The following RAD54L2 variants were observed in gnomAD, a reference collection of about 807,000 sequenced individuals.
RAD54L2 encodes the protein helicase ARIP4.
In RAD54L2, 27 loss-of-function variants were observed where a neutral mutation model predicts 138.4. The observed-to-expected ratio is 0.20, with a 90% confidence interval of 0.14 to 0.27. The LOEUF (loss-of-function observed/expected upper bound fraction) is 0.27. Ranked by LOEUF, RAD54L2 falls within the 10% of genes least tolerant of loss-of-function variation. The pLI, the probability that RAD54L2 is intolerant of heterozygous loss-of-function variation, is 1.00. For synonymous variants in RAD54L2, 644 were observed against 723.2 expected (o/e 0.89, Z 1.76); for missense variants, 1,396 against 1,890.2 (o/e 0.74, Z 4.85).
intron 2 of RAD54L2, among the ~76,000 whole-genome samples, chr3:51,564,445 T>C (rs939271842): frequency 2.0e-5 from 3 of 152,246 alleles, no homozygotes; most frequent in Admixed American, 2.0e-4. Context: ...AGGTTTGTTA[T>C]CTACATGTAA....
At chr3:51,624,106 T>C (rs1415404580) in intron 3 of RAD54L2, among the ~76,000 whole-genome samples, 1 of 151,854 alleles carries the variant, frequency 6.6e-6, no homozygotes, top group Non-Finnish European at 1.5e-5. Context: ...AATCCATACC[T>C]CATACCTGGA....
At position 51,635,612 on chromosome 3, in the gene RAD54L2, A is replaced by G; in HGVS notation, c.1162A>G (p.Lys388Glu). Residue 388 changes from lysine (K) to glutamate (E), a missense_variant, in exon 10 of 23, where the codon AAA becomes GAA. Lys to Glu is a moderately conservative substitution (Grantham distance 56). Around this residue, in one of 7 missense-constraint regions of RAD54L2, gnomAD observed 169 missense variants for 235.6 expected, o/e 0.72. Coordinates refer to ENST00000684192, the MANE Select transcript of RAD54L2 (RefSeq NM_015106.4). Reference sequence around the variant, plus strand: ...TTGCAGGACGATGGCATCTCGTGCTAAAGTGATGGCTGATTGGGTGTCAGA... The same window carrying G: ...TTGCAGGACGATGGCATCTCGTGCTGAAGTGATGGCTGATTGGGTGTCAGA... ...DEHKTMASRAKVMADWVSEGG... is the reference protein window; with the variant it reads ...DEHKTMASRAEVMADWVSEGG... 4 of 1,611,048 alleles carry G rather than the reference A, an allele frequency of 2.5e-6. No homozygotes were observed. Among genetic ancestry groups the G allele is most frequent in the Non-Finnish European group, 3.4e-6 (4 of 1,178,900 alleles).
chr3:51,651,045 TAAGA>T (rs1279399064), intron 19 of RAD54L2, among the ~76,000 whole-genome samples: 2 of 151,746 alleles, frequency 1.3e-5, no homozygotes, highest in African/African-American at 4.8e-5. Flanking sequence ...CTAGCAAGAC[TAAGA>T]AAGAAGAAAA....
chr3:51,580,648 G>C (rs550843176), intron 2 of RAD54L2, among the ~76,000 whole-genome samples: 2 of 152,132 alleles, frequency 1.3e-5, no homozygotes, highest in Non-Finnish European at 2.9e-5. Context: ...CTCCCATCAC[G>C]TAGGAAATTC....
intron 2 of RAD54L2, among the ~76,000 whole-genome samples, chr3:51,554,479 A>G (rs905825584): frequency 3.3e-5 from 5 of 152,210 alleles, no homozygotes; most frequent in Middle Eastern, 3.4e-3. Flanking sequence ...AGCCGAGATG[A>G]TATTATTGCA....
chr3:51,563,641 T>C (rs930793138), intron 2 of RAD54L2, among the ~76,000 whole-genome samples: 1 of 152,226 alleles, frequency 6.6e-6, no homozygotes, highest in African/African-American at 2.4e-5. Flanking sequence ...AGTTAGAAAG[T>C]AATAATACCG....
intron 10 of RAD54L2, among the ~76,000 whole-genome samples, chr3:51,636,156 A>G (rs1700979414): frequency 6.6e-6 from 1 of 152,204 alleles, no homozygotes; most frequent in South Asian, 2.1e-4. Flanking sequence ...TAATATAAAG[A>G]CAAAGTAGTA....
Position 51,663,210 on chromosome 3 carries a change from G to A in RAD54L2, c.4194G>A (p.Ala1398=), listed in dbSNP as rs1259930546. Residue 1398 remains alanine (A), a synonymous_variant, in exon 23 of 23, where the codon GCG becomes GCA. Transcript: ENST00000684192. The stretch of plus-strand genomic sequence containing the variant: ...TCCTGTCCGAGCCGAGGATGTTTGC[G>A]CCTTTTCCTTCCCCTGTCTTGCCCA... ...QPLLSEPRMF[A]PFPSPVLPSN... is the part of the protein sequence containing the mutation. 1.9e-6 allele frequency: 3 copies of A among 1,613,948 alleles called. No individual in the cohort carries two copies. Among genetic ancestry groups the A allele is most frequent in the Admixed American group, 1.7e-5 (1 of 60,022 alleles).
In RAD54L2 at chr3:51,638,632, A is replaced by G. The variant is rs760984742; in HGVS notation, c.1860+311A>G. On this transcript the variant is annotated intron_variant, in intron 12 of 22. Coordinates refer to ENST00000684192, the MANE Select transcript of RAD54L2 (RefSeq NM_015106.4). The surrounding 1 kb of genome is among the most constrained non-coding windows in gnomAD (Gnocchi z 4.3). ...TGGGGCAGCGTTTTTGACTGCTAGC[A>G]TAATCAGAATTCAAGAGATATATAG... 9 of 275,964 alleles carry G rather than the reference A, an allele frequency of 3.3e-5. No individual in the cohort carries two copies. Among genetic ancestry groups the G allele is most frequent in the South Asian group, 2.0e-4 (2 of 9,978 alleles). 17.1% of individuals were successfully genotyped at this position (275,964 alleles called of 1,614,324 possible).
In RAD54L2 at chr3:51,637,033, G is replaced by A. The variant is rs897965990; in HGVS notation, c.1340-128G>A. ...ATGGCTGGCACCCTCTCACCAAGGGGGGCTGACTCTTGCTTTCCTGCTTCC... is the reference window on the plus strand; with the variant it reads ...ATGGCTGGCACCCTCTCACCAAGGGAGGCTGACTCTTGCTTTCCTGCTTCC... On this transcript the variant is annotated intron_variant, in intron 10 of 22. Coordinates refer to ENST00000684192, the MANE Select transcript of RAD54L2 (RefSeq NM_015106.4). The surrounding 1 kb of genome is among the most constrained non-coding windows in gnomAD (Gnocchi z 5.9). 1.2e-6 allele frequency: 1 copy of A among 803,814 alleles called. No individual in the cohort carries two copies. Among genetic ancestry groups the A allele is most frequent in the African/African-American group, 1.7e-5 (1 of 58,976 alleles). The allele number at this position is 803,814 out of a possible 1,614,324, so 49.8% of individuals were successfully genotyped here. A position where few individuals can be genotyped will look rare whatever the true frequency, so the allele number is the denominator to read the frequency against.
At chr3:51,550,536 G>A (rs1698809010) in intron 2 of RAD54L2, among the ~76,000 whole-genome samples, 1 of 152,086 alleles carries the variant, frequency 6.6e-6, no homozygotes, top group African/African-American at 2.4e-5. Flanking sequence ...GCCAAGGTAG[G>A]TGGATTGCTT....
chr3:51,576,646 T>G (rs535457120), intron 2 of RAD54L2, among the ~76,000 whole-genome samples: 1 of 152,208 alleles, frequency 6.6e-6, no homozygotes, highest in African/African-American at 2.4e-5. Context: ...GAGGTGTTTA[T>G]AGTATTCTCT....
In RAD54L2 at chr3:51,663,636, T is replaced by C. The variant is rs1191310424; in HGVS notation, c.*216T>C. On this transcript the variant is annotated 3_prime_UTR_variant, in exon 23 of 23. Coordinates refer to ENST00000684192, the MANE Select transcript of RAD54L2 (RefSeq NM_015106.4). ...AAAAAAAAGTCCAACACAGCAGCAA[T>C]AGCGGGAAATCAGGGACCCAAAACA... 2 of 471,776 alleles carry C rather than the reference T, an allele frequency of 4.2e-6. No individual in the cohort carries two copies. Among genetic ancestry groups the C allele is most frequent in the Non-Finnish European group, 7.0e-6 (2 of 286,318 alleles). The allele number at this position is 471,776 out of a possible 1,614,324, so 29.2% of individuals were successfully genotyped here. A position where few individuals can be genotyped will look rare whatever the true frequency, so the allele number is the denominator to read the frequency against.
At chr3:51,546,982 T>A (rs529452104) in intron 2 of RAD54L2, among the ~76,000 whole-genome samples, 1 of 151,114 alleles carries the variant, frequency 6.6e-6, no homozygotes, top group East Asian at 1.9e-4. Flanking sequence ...TGAGCCGAGA[T>A]CTCACCACTG....
intron 3 of RAD54L2, among the ~76,000 whole-genome samples, chr3:51,610,632 T>A (rs1700306929): frequency 7.7e-6 from 1 of 129,390 alleles, no homozygotes. Context: ...AAAGCAAGAC[T>A]CCATCTCAAA....
rs955879128 is a variant in RAD54L2 at position 51,608,227 on chromosome 3, C to T, written c.139+17668C>T. The stretch of plus-strand genomic sequence containing the variant: ...GCAGAGGCGCTCTTCACATCTCAGA[C>T]GGGGCGGCGGGGCAGAGGCACTCCC... On this transcript the variant is annotated intron_variant, in intron 3 of 22. Transcript: ENST00000684192. Among the ~76,000 whole-genome samples the T allele has an allele frequency of 1.4e-4, 20 of 147,052 alleles. No homozygotes were observed. In the East Asian group the frequency reaches 1.7e-3, roughly 12 times the overall value.
intron 16 of RAD54L2, among the ~76,000 whole-genome samples, chr3:51,644,404 C>T (rs2106823766): frequency 6.6e-6 from 1 of 152,236 alleles, no homozygotes; most frequent in Admixed American, 6.5e-5. Flanking sequence ...GTGATTGAGC[C>T]ACTGCAATCC....
At chr3:51,544,475 T>C (rs1212074340) in intron 2 of RAD54L2, among the ~76,000 whole-genome samples, 1 of 152,232 alleles carries the variant, frequency 6.6e-6, no homozygotes, top group African/African-American at 2.4e-5. Flanking sequence ...TATTGTCTGA[T>C]CTTCTGCAGG....
At chr3:51,625,042 C>T (rs1700648604) in intron 3 of RAD54L2, among the ~76,000 whole-genome samples, 6 of 152,100 alleles carry the variant, frequency 3.9e-5, no homozygotes, top group Admixed American at 3.9e-4. Context: ...GACAGCCCCA[C>T]CTCTCTTTAC....
Sources: gnomAD v4.1 joint callset for allele counts (sites outside exome capture counted in the v4.1 genomes callset) on GRCh38, gnomAD v4.1.1 for gene constraint, gnomAD v4.1.1 regional missense constraint, Gnocchi (gnomAD v3.1) non-coding constraint, MANE v1.5 for transcripts, NCBI Gene and HGNC (gene_info 2026-07-23, HGNC 2026-07-21) for gene names.